Variants in GALNT10 observed in about 807,000 individuals in gnomAD.
The protein encoded by GALNT10 is GalNAc transferase 10.
In GALNT10, 41 loss-of-function variants were observed where a neutral mutation model predicts 75.0. The ratio of observed to expected loss-of-function variants is 0.55; its 90% confidence interval spans 0.43 to 0.71. The LOEUF is 0.71. Ranked by LOEUF, GALNT10 falls within the 30% of genes least tolerant of loss-of-function variation. The probability of loss-of-function intolerance (pLI) is 0.00; values close to 1 mark genes in which losing one functional copy is unlikely to be tolerated. For synonymous variants in GALNT10, 302 were observed against 313.0 expected (o/e 0.96, Z 0.37); for missense variants, 727 against 818.5 (o/e 0.89, Z 1.36).
At chr5:154,207,585 G>C (rs1345121686) in intron 1 of GALNT10, among the ~76,000 whole-genome samples, 2 of 152,198 alleles carry the variant, frequency 1.3e-5, no homozygotes, top group African/African-American at 2.4e-5. Context: ...ACCCGGACGG[G>C]CAGGGCGGGT....
At chr5:154,397,682 G>A (rs1464473633) in intron 7 of GALNT10, among the ~76,000 whole-genome samples, 1 of 152,234 alleles carries the variant, frequency 6.6e-6, no homozygotes, top group Non-Finnish European at 1.5e-5. Flanking sequence ...AAATGCAACT[G>A]ATTAGGGTTT....
At chr5:154,382,067 G>A (rs1366784421) in intron 6 of GALNT10, among the ~76,000 whole-genome samples, 1 of 152,206 alleles carries the variant, frequency 6.6e-6, no homozygotes, top group African/African-American at 2.4e-5. Context: ...GGCCTTCAGT[G>A]AACCACATTT....
chr5:154,234,601 G>GTACCA (rs1484757248), intron 1 of GALNT10, among the ~76,000 whole-genome samples: 2 of 152,204 alleles, frequency 1.3e-5, no homozygotes, highest in African/African-American at 4.8e-5. Flanking sequence ...AGGAAGTAAG[G>GTACCA]TACCATGAGG....
chr5:154,386,742 G>C, intron 7 of GALNT10: 1 of 537,698 alleles, frequency 1.9e-6, no homozygotes, highest in Non-Finnish European at 3.2e-6. Context: ...GCAGGTCTGA[G>C]ATTGAGATGT....
chr5:154,290,258 A>ATTTTTTT (rs71577131), intron 1 of GALNT10, among the ~76,000 whole-genome samples: 40 of 98,896 alleles, frequency 4.0e-4, no homozygotes, highest in African/African-American at 6.9e-4. Context: ...CACTCAGCTA[A>ATTTTTTT]TTTTTTTTTT....
chr5:154,203,075 T>G (rs751725629), intron 1 of GALNT10, among the ~76,000 whole-genome samples: 5 of 152,210 alleles, frequency 3.3e-5, no homozygotes, highest in African/African-American at 4.8e-5. Flanking sequence ...TTGTCAGGCT[T>G]TTGCTTTCTT....
At chr5:154,356,838 G>A (rs917786424) in intron 4 of GALNT10, among the ~76,000 whole-genome samples, 2 of 152,218 alleles carry the variant, frequency 1.3e-5, no homozygotes, top group South Asian at 2.1e-4. Flanking sequence ...TGGGTTTTGA[G>A]GGACCCGTTA....
intron 4 of GALNT10, among the ~76,000 whole-genome samples, chr5:154,344,198 TTTC>T: frequency 1.2e-5 from 1 of 86,440 alleles, no homozygotes. Context: ...AATTTCTTTC[TTTC>T]TTTCTTTCTT....
At chr5:154,375,726 G>C (rs921669057) in intron 4 of GALNT10, among the ~76,000 whole-genome samples, 2 of 152,220 alleles carry the variant, frequency 1.3e-5, no homozygotes, top group Non-Finnish European at 2.9e-5. Flanking sequence ...GGGCCAACCA[G>C]CTAGCAAAAG....
intron 4 of GALNT10, among the ~76,000 whole-genome samples, chr5:154,368,628 AT>A (rs1755515589): frequency 6.6e-6 from 1 of 152,146 alleles, no homozygotes; most frequent in Non-Finnish European, 1.5e-5. Context: ...ACTCTCTAAA[AT>A]TCCTCCTGGG....
At chr5:154,404,527 A>G (rs1034564378) in intron 8 of GALNT10, among the ~76,000 whole-genome samples, 2 of 152,056 alleles carry the variant, frequency 1.3e-5, no homozygotes, top group African/African-American at 4.8e-5. Context: ...AGAGTGTGAC[A>G]GAGGAGACGA....
chr5:154,349,787 C>G (rs1031976245), intron 4 of GALNT10: 4 of 152,042 alleles, frequency 2.6e-5, no homozygotes, highest in African/African-American at 9.7e-5. Flanking sequence ...TGGGAACAGA[C>G]TATTTGAAAT....
chr5:154,262,853 C>G (rs1753719666), intron 1 of GALNT10, among the ~76,000 whole-genome samples: 1 of 151,880 alleles, frequency 6.6e-6, no homozygotes. Context: ...ATGTTAACAT[C>G]AGGAAAGGCA....
rs373237804 is a variant in GALNT10 at position 154,409,757 on chromosome 5, G to C, written c.1381G>C (p.Gly461Arg). 4 of 1,610,274 alleles carry C rather than the reference G, an allele frequency of 2.5e-6. No individual in the cohort carries two copies. Among genetic ancestry groups the C allele is most frequent in the Non-Finnish European group, 3.4e-6 (4 of 1,176,588 alleles). Reference sequence around the variant, plus strand: ...CGTGGAGCCCCCGGCTGCAGCTTGGGGGGAGGTGAGTCTGGAGGGCAGGGC... The same window carrying C: ...CGTGGAGCCCCCGGCTGCAGCTTGGCGGGAGGTGAGTCTGGAGGGCAGGGC... ...PPVEPPAAAW[G>R]EIRNVGTGLC... Residue 461 changes from glycine (G) to arginine (R), a missense_variant, in exon 9 of 12, where the codon GGG becomes CGG. Gly to Arg is a moderately radical substitution (Grantham distance 125). Transcript: ENST00000297107. The surrounding 1 kb of genome is among the most constrained non-coding windows in gnomAD (Gnocchi z 4.5).
intron 7 of GALNT10, 175 bp from the exon 8 acceptor site, chr5:154,403,928 GT>G (rs779766134): frequency 3.0e-6 from 2 of 677,454 alleles, no homozygotes; most frequent in Non-Finnish European, 5.5e-6. Flanking sequence ...GCTGTCAGCT[GT>G]TTTTACCGCT....
chr5:154,220,825 G>C (rs969571295), intron 1 of GALNT10, among the ~76,000 whole-genome samples: 10 of 152,192 alleles, frequency 6.6e-5, no homozygotes, highest in Non-Finnish European at 1.5e-4. Flanking sequence ...CCAAGCCAGT[G>C]ACCTGAATGA....
chr5:154,252,662 G>C (rs929325951), intron 1 of GALNT10, among the ~76,000 whole-genome samples: 2 of 151,234 alleles, frequency 1.3e-5, no homozygotes, highest in African/African-American at 2.4e-5. Flanking sequence ...TAATGCCTTA[G>C]TGTTGGTTGT....
At chr5:154,246,290 A>G (rs1165575877) in intron 1 of GALNT10, among the ~76,000 whole-genome samples, 2 of 152,148 alleles carry the variant, frequency 1.3e-5, no homozygotes, top group Non-Finnish European at 2.9e-5. Flanking sequence ...TGTCTTTATA[A>G]CAGCATGATT....
At chr5:154,277,098 G>A (rs1753963717) in intron 1 of GALNT10, among the ~76,000 whole-genome samples, 1 of 152,104 alleles carries the variant, frequency 6.6e-6, no homozygotes, top group South Asian at 2.1e-4. Flanking sequence ...CTACACATCA[G>A]TCGGGTGGTT....
Sources: allele counts gnomAD v4.1 joint callset (sites outside exome capture counted in the v4.1 genomes callset), GRCh38; gene constraint gnomAD v4.1.1; non-coding constraint Gnocchi (gnomAD v3.1); transcripts MANE v1.5; gene names NCBI Gene and HGNC (gene_info 2026-07-23, HGNC 2026-07-21).